The following DIAPH3 variants were observed in gnomAD, a reference collection of about 807,000 sequenced individuals.
DIAPH3 encodes the protein protein diaphanous homolog 3.
A neutral mutation model predicts 144.3 loss-of-function variants in DIAPH3; 117 were observed. The observed-to-expected ratio is 0.81, with a 90% CI of 0.70 to 0.95. The LOEUF is 0.95. DIAPH3 is among the 40% of genes least tolerant of loss of function. The pLI is 0.00. For missense variants in DIAPH3, 1,421 were observed against 1,412.7 expected (o/e 1.01, Z -0.09); for synonymous variants, 519 against 488.9 (o/e 1.06, Z -0.81).
chr13:59,877,998 ATAACTT>A, intron 21 of DIAPH3, among the ~76,000 whole-genome samples: 1 of 152,146 alleles, frequency 6.6e-6, no homozygotes, highest in Non-Finnish European at 1.5e-5. Context: ...CTCTGCTGCC[ATAACTT>A]TTAGTATGTG....
intron 25 of DIAPH3, among the ~76,000 whole-genome samples, chr13:59,795,920 T>A (rs1288559468): frequency 6.6e-6 from 1 of 152,204 alleles, no homozygotes; most frequent in East Asian, 1.9e-4. Context: ...TTTGTACATA[T>A]TAGTGCTTTC....
intron 27 of DIAPH3, among the ~76,000 whole-genome samples, chr13:59,739,016 T>C (rs991851625): frequency 2.6e-5 from 4 of 152,216 alleles, no homozygotes; most frequent in Non-Finnish European, 4.4e-5. Flanking sequence ...TACAATTATA[T>C]GTATTAAGAA....
At chr13:59,905,342 C>CAAAAAAAAAAAAAAAAAAA (rs59114311) in intron 20 of DIAPH3, among the ~76,000 whole-genome samples, 8 of 69,754 alleles carry the variant, frequency 1.1e-4, no homozygotes, top group Admixed American at 1.9e-4. Flanking sequence ...GACTCTGTCT[C>CAAAAAAAAAAAAAAAAAAA]AAAAAAAAAA....
intron 20 of DIAPH3, among the ~76,000 whole-genome samples, chr13:59,882,596 G>C (rs1405813040): frequency 6.6e-6 from 1 of 152,174 alleles, no homozygotes; most frequent in African/African-American, 2.4e-5. Flanking sequence ...AGACTAAGTG[G>C]AAGGCAGAAA....
At chr13:59,839,932 T>C (rs1363074955) in intron 22 of DIAPH3, among the ~76,000 whole-genome samples, 1 of 152,204 alleles carries the variant, frequency 6.6e-6, no homozygotes, top group Non-Finnish European at 1.5e-5. Context: ...AGGCTACTTA[T>C]AATGACAAAT....
chr13:60,139,490 C>T, intron 1 of DIAPH3, among the ~76,000 whole-genome samples: 1 of 152,172 alleles, frequency 6.6e-6, no homozygotes, highest in East Asian at 1.9e-4. Flanking sequence ...ATCCAGACCT[C>T]CCTGCCCCTC....
intron 21 of DIAPH3, among the ~76,000 whole-genome samples, chr13:59,869,799 G>T (rs1439417862): frequency 1.3e-5 from 2 of 151,808 alleles, no homozygotes; most frequent in Admixed American, 6.6e-5. Context: ...CGTTTTGATG[G>T]GTATCTCTTC....
chr13:59,789,110 T>C (rs561974827), intron 25 of DIAPH3, among the ~76,000 whole-genome samples: 5 of 152,310 alleles, frequency 3.3e-5, no homozygotes, highest in Admixed American at 2.0e-4. Context: ...ATGCCTTCAG[T>C]TGCAAAAGCA....
intron 19 of DIAPH3, among the ~76,000 whole-genome samples, 175 bp from the exon 20 acceptor site, chr13:59,912,011 A>G (rs1386048485): frequency 1.3e-5 from 2 of 152,230 alleles, no homozygotes; most frequent in African/African-American, 2.4e-5. Flanking sequence ...AAAACAGTCA[A>G]TTTTCCATTT....
chr13:59,936,892 G>T (rs529672789), intron 17 of DIAPH3, among the ~76,000 whole-genome samples: 1 of 152,054 alleles, frequency 6.6e-6, no homozygotes, highest in Non-Finnish European at 1.5e-5. Context: ...AGCTGGGCAC[G>T]GTGGCTCACG....
chr13:60,093,263 C>A (rs1024118570), intron 4 of DIAPH3, among the ~76,000 whole-genome samples: 38 of 152,074 alleles, frequency 2.5e-4, no homozygotes, highest in African/African-American at 8.5e-4. Context: ...CTATTATGTA[C>A]CTTGATGTAG....
rs111767524 is a variant in DIAPH3 at position 60,015,916 on chromosome 13, C to G, written c.768G>C (p.Thr256=). ...TACTAATTACGTATGTACATACCTG[C>G]GTATTCATCAGGGCTTTTAGACACT... ...VIQCLKALMN[T]QYGLERIMSE... The change falls in exon 7 of 28, where the codon ACG becomes ACC. Residue 256 remains threonine, a synonymous_variant. Transcript: ENST00000400324. The G allele has an allele frequency of 6.2e-7, 1 of 1,610,640 alleles. No homozygotes were observed. The highest frequency in any genetic ancestry group is 1.3e-5 in the African/African-American group (1 of 74,808).
chr13:59,674,003 C>T (rs765870597), intron 27 of DIAPH3, among the ~76,000 whole-genome samples: 5 of 152,144 alleles, frequency 3.3e-5, no homozygotes, highest in Non-Finnish European at 7.4e-5. Context: ...TAGTAGGAAG[C>T]ACTGAATTTG....
chr13:59,691,140 A>G (rs2033496569), intron 27 of DIAPH3, among the ~76,000 whole-genome samples: 1 of 152,132 alleles, frequency 6.6e-6, no homozygotes, highest in African/African-American at 2.4e-5. Context: ...TGGCAGCAAC[A>G]CACAGGAAGG....
chr13:59,991,416 T>G, intron 11 of DIAPH3, 142 bp from the exon 12 acceptor site: 1 of 673,572 alleles, frequency 1.5e-6, no homozygotes, highest in African/African-American at 1.8e-5. Flanking sequence ...ATATTTAGGA[T>G]TGAGGGTAGT....
chr13:59,895,532 A>G (rs2046042938), intron 20 of DIAPH3, among the ~76,000 whole-genome samples: 1 of 152,174 alleles, frequency 6.6e-6, no homozygotes, highest in South Asian at 2.1e-4. Flanking sequence ...TTAATACAAA[A>G]TAAAAATATA....
intron 3 of DIAPH3, 140 bp downstream of exon 3, chr13:60,111,870 T>G: frequency 1.2e-6 from 1 of 806,216 alleles, no homozygotes; most frequent in Non-Finnish European, 2.0e-6. Flanking sequence ...CAAAAACTCT[T>G]TGTGGCTGAA....
intron 27 of DIAPH3, among the ~76,000 whole-genome samples, chr13:59,763,459 T>C (rs2037711863): frequency 6.6e-6 from 1 of 151,988 alleles, no homozygotes; most frequent in Admixed American, 6.6e-5. Flanking sequence ...GGAGAATCAT[T>C]TGAACTCAGG....
intron 20 of DIAPH3, among the ~76,000 whole-genome samples, chr13:59,890,149 C>T (rs1470971290): frequency 1.3e-5 from 2 of 152,082 alleles, no homozygotes; most frequent in Non-Finnish European, 2.9e-5. Context: ...CACTCCAGCT[C>T]CCAGGCACAG....
Sources: allele counts gnomAD v4.1 joint callset (sites outside exome capture counted in the v4.1 genomes callset), GRCh38; gene constraint gnomAD v4.1.1; transcripts MANE v1.5; gene names NCBI Gene and HGNC (gene_info 2026-07-23, HGNC 2026-07-21).